The following SGCE variants were observed in gnomAD, a reference collection of about 807,000 sequenced individuals.
The protein encoded by SGCE is sarcoglycan epsilon.
SGCE carries 26 observed loss-of-function variants against 57.8 expected under a neutral mutation model. That is an observed-to-expected ratio of 0.45 (90% CI 0.33 to 0.62). The LOEUF (loss-of-function observed/expected upper bound fraction) is 0.62, where lower values mean the gene tolerates loss of function less well. Ranked by LOEUF, SGCE falls within the 20% of genes least tolerant of loss-of-function variation. The pLI, the probability that SGCE is intolerant of heterozygous loss-of-function variation, is 0.02. For missense variants in SGCE, 468 were observed against 548.6 expected (o/e 0.85, Z 1.47); for synonymous variants, 183 against 189.5 (o/e 0.97, Z 0.28).
chr7:94,655,943 G>T, intron 1 of SGCE, 47 bp downstream of exon 1: 1 of 1,234,788 alleles, frequency 8.1e-7, no homozygotes, highest in Non-Finnish European at 1.2e-6. Context: ...GGGGGAGGCG[G>T]CGGCCTGTTG....
chr7:94,599,536 C>T (rs1562802659), intron 8 of SGCE, 161 bp downstream of exon 8: 3 of 639,404 alleles, frequency 4.7e-6, no homozygotes, highest in Admixed American at 2.8e-5. Flanking sequence ...AGTTTCTACC[C>T]CTCCTAAATA....
chr7:94,625,339 A>C (rs947792291), intron 3 of SGCE: 4 of 152,052 alleles, frequency 2.6e-5, no homozygotes, highest in Non-Finnish European at 5.9e-5. Context: ...ACTATATTAT[A>C]TGAAAGATAT....
chr7:94,628,940 G>T (rs770927468), intron 2 of SGCE: 6 of 153,738 alleles, frequency 3.9e-5, no homozygotes, highest in African/African-American at 1.5e-4. Flanking sequence ...TTTACAAGCC[G>T]TATTTCATCT....
intron 5 of SGCE, among the ~76,000 whole-genome samples, chr7:94,615,780 C>G (rs946272690): frequency 2.6e-5 from 4 of 152,174 alleles, no homozygotes; most frequent in African/African-American, 9.6e-5. Flanking sequence ...ACCATTTACA[C>G]TACATCACTC....
At chr7:94,633,350 G>C (rs1805025691) in intron 1 of SGCE, among the ~76,000 whole-genome samples, 3 of 152,062 alleles carry the variant, frequency 2.0e-5, no homozygotes, top group African/African-American at 7.2e-5. Context: ...TCTGAAGACA[G>C]GTAGTCATAA....
intron 9 of SGCE, among the ~76,000 whole-genome samples, chr7:94,592,263 C>A (rs1797795059): frequency 6.6e-6 from 1 of 152,130 alleles, no homozygotes; most frequent in Non-Finnish European, 1.5e-5. Context: ...TTCAGGCATA[C>A]TGGAAAAAAT....
intron 10 of SGCE, chr7:94,587,142 G>T (rs756204577): frequency 2.0e-6 from 2 of 983,732 alleles, no homozygotes; most frequent in Non-Finnish European, 2.4e-6. Flanking sequence ...AAATCCCCTA[G>T]GAAAACTCTT....
intron 3 of SGCE, chr7:94,626,036 A>G (rs911470722): frequency 6.6e-6 from 1 of 152,038 alleles, no homozygotes. Context: ...TGATGGCAAA[A>G]TTTTCATTGT....
chr7:94,585,093 C>T lies in SGCE; in HGVS notation c.*406G>A, dbSNP rs1197979282. On this transcript the variant is annotated 3_prime_UTR_variant, in exon 11 of 11. Transcript: ENST00000648936. ...CTCAACTGGAACACGGAGGCACAGGCATTTTATATATTCATAGGAAGCACT... is the reference window on the plus strand; with the variant it reads ...CTCAACTGGAACACGGAGGCACAGGTATTTTATATATTCATAGGAAGCACT... The T allele has an allele frequency of 6.1e-6, 1 of 164,860 alleles. No individual in the cohort carries two copies. The highest frequency in any genetic ancestry group is 1.3e-5 in the Non-Finnish European group (1 of 76,380). The allele number at this position is 164,860 out of a possible 1,614,324, so 10.2% of individuals were successfully genotyped here. A position where few individuals can be genotyped will look rare whatever the true frequency, so the allele number is the denominator to read the frequency against.
chr7:94,624,193 C>G (rs1013055656), intron 3 of SGCE: 33 of 391,700 alleles, frequency 8.4e-5, no homozygotes, highest in Non-Finnish European at 4.5e-5. Context: ...ATGATTGTGT[C>G]AAAATCTTAG....
chr7:94,629,610 G>T, intron 2 of SGCE, 109 bp downstream of exon 2: 1 of 984,468 alleles, frequency 1.0e-6, no homozygotes, highest in Non-Finnish European at 1.6e-6. Context: ...CACATATTTA[G>T]ACCATTTGAA....
intron 1 of SGCE, among the ~76,000 whole-genome samples, chr7:94,655,771 G>C (rs925064376): frequency 5.2e-5 from 3 of 57,514 alleles, no homozygotes; most frequent in Non-Finnish European, 9.2e-5. Flanking sequence ...GCGGGGGCGC[G>C]GAGAGGAAAA....
intron 6 of SGCE, among the ~76,000 whole-genome samples, chr7:94,601,879 A>T (rs1310698707): frequency 6.6e-6 from 1 of 152,044 alleles, no homozygotes; most frequent in Non-Finnish European, 1.5e-5. Context: ...CATTTCTTTT[A>T]TATTTTATTT....
At chr7:94,635,037 A>G (rs925342283) in intron 1 of SGCE, among the ~76,000 whole-genome samples, 6 of 152,222 alleles carry the variant, frequency 3.9e-5, no homozygotes, top group African/African-American at 1.4e-4. Context: ...TAGCTAAATC[A>G]GCCTAAGATA....
chr7:94,646,930 T>A (rs1221734150), intron 1 of SGCE, among the ~76,000 whole-genome samples: 1 of 152,236 alleles, frequency 6.6e-6, no homozygotes. Context: ...CTCCCTCATA[T>A]CCCTGTTGCC....
intron 7 of SGCE, chr7:94,600,339 C>G (rs1200259041): frequency 3.0e-6 from 1 of 336,264 alleles, no homozygotes; most frequent in Non-Finnish European, 5.6e-6. Flanking sequence ...GCAGTCTCTG[C>G]TCATGCAAGA....
rs1195580861 is a variant in SGCE, at chr7:94,586,082, A to C, written c.1298-567T>G. On this transcript the variant is annotated intron_variant, in intron 10 of 10. Coordinates refer to ENST00000648936, the MANE Select transcript of SGCE (RefSeq NM_003919.3). Reference sequence around the variant, plus strand: ...AAATGAAAAAAAAAAAAAAAAAAAAAAAAAACAACAACTTCAAGATATACT... The same window carrying C: ...AAATGAAAAAAAAAAAAAAAAAAAACAAAAACAACAACTTCAAGATATACT... Among the ~76,000 whole-genome samples the C allele has an allele frequency of 1.1e-4, 17 of 150,632 alleles. 1 individual carries two copies. The highest frequency in any genetic ancestry group is 4.1e-4 in the African/African-American group (17 of 41,156).
chr7:94,595,886 C>T (rs1032638064), intron 9 of SGCE, among the ~76,000 whole-genome samples: 1 of 152,028 alleles, frequency 6.6e-6, no homozygotes, highest in Non-Finnish European at 1.5e-5. Context: ...AATATACACT[C>T]AACACTGAAA....
intron 1 of SGCE, among the ~76,000 whole-genome samples, chr7:94,638,058 C>A (rs1238450159): frequency 6.6e-6 from 1 of 152,094 alleles, no homozygotes; most frequent in Non-Finnish European, 1.5e-5. Flanking sequence ...AGGGGTGATT[C>A]CCTTGAAGGA....
Sources: allele counts gnomAD v4.1 joint callset (sites outside exome capture counted in the v4.1 genomes callset), GRCh38; gene constraint gnomAD v4.1.1; transcripts MANE v1.5; gene names NCBI Gene and HGNC (gene_info 2026-07-23, HGNC 2026-07-21).